WWOX: variants seen among roughly 807,000 people sequenced by gnomAD.
WWOX encodes WW domain-containing oxidoreductase.
A neutral mutation model predicts 46.2 loss-of-function variants in WWOX; 69 were observed. The ratio of observed to expected loss-of-function variants is 1.49; its 90% CI spans 1.23 to 1.82. The LOEUF (loss-of-function observed/expected upper bound fraction) is 1.82. Ranked by LOEUF, WWOX falls within the 40% of genes most tolerant of loss-of-function variation. The pLI, the probability that WWOX is intolerant of heterozygous loss-of-function variation, is 0.00. For missense variants in WWOX, 919 were observed against 542.6 expected, an observed-to-expected ratio of 1.69 and a Z score of -6.89; for synonymous variants, 359 against 202.6, an observed-to-expected ratio of 1.77 and a Z score of -6.56.
intron 4 of WWOX, among the ~76,000 whole-genome samples, chr16:78,139,623 C>G (rs576684243): frequency 2.0e-5 from 3 of 152,062 alleles, no homozygotes; most frequent in Admixed American, 2.0e-4. Context: ...CCAGCCCAGG[C>G]GATAGAGTGA....
chr16:79,074,024 G>A (rs966928746), intron 8 of WWOX, among the ~76,000 whole-genome samples: 2 of 151,880 alleles, frequency 1.3e-5, no homozygotes, highest in Admixed American at 6.6e-5. Context: ...TTTCACCATG[G>A]TTAGTTCGAG....
At chr16:78,689,789 C>T (rs542516273) in intron 8 of WWOX, among the ~76,000 whole-genome samples, 1 of 152,292 alleles carries the variant, frequency 6.6e-6, no homozygotes, top group African/African-American at 2.4e-5. Context: ...GCCTTGACCC[C>T]TGTTGAAATA....
chr16:79,173,231 G>A (rs992835524), intron 8 of WWOX, among the ~76,000 whole-genome samples: 4 of 152,146 alleles, frequency 2.6e-5, no homozygotes, highest in South Asian at 4.1e-4. Flanking sequence ...CCCCTCCTGG[G>A]CCTCCTGAGG....
rs543840733 is a variant in WWOX at position 79,048,224 on chromosome 16, C to G, written c.1057-163384C>G. Reference sequence around the variant, plus strand: ...GAAGGGCAGGCCAGGAGGGAGCTGACCTGTGTAGAGCTTGGAGGTTGTGTT... The same window carrying G: ...GAAGGGCAGGCCAGGAGGGAGCTGAGCTGTGTAGAGCTTGGAGGTTGTGTT... On this transcript the variant is annotated intron_variant, in intron 8 of 8. Coordinates refer to ENST00000566780, the MANE Select transcript of WWOX (RefSeq NM_016373.4). Among the ~76,000 whole-genome samples the G allele has an allele frequency of 2.6e-5, 4 of 152,300 alleles. No homozygotes were observed. In the South Asian group the frequency reaches 6.2e-4, roughly 24 times the overall value.
At chr16:78,999,941 A>T (rs1476936494) in intron 8 of WWOX, among the ~76,000 whole-genome samples, 1 of 152,134 alleles carries the variant, frequency 6.6e-6, no homozygotes, top group Non-Finnish European at 1.5e-5. Context: ...ATTGTGCCAT[A>T]TTTTCACCGG....
intron 7 of WWOX, among the ~76,000 whole-genome samples, chr16:78,429,208 A>G (rs902394079): frequency 1.3e-5 from 2 of 152,210 alleles, no homozygotes; most frequent in Non-Finnish European, 1.5e-5. Flanking sequence ...TGGTATGGTG[A>G]TGACAGAGGA....
intron 8 of WWOX, among the ~76,000 whole-genome samples, chr16:78,978,588 T>G (rs1223473193): frequency 1.3e-5 from 2 of 152,146 alleles, no homozygotes; most frequent in East Asian, 3.8e-4. Flanking sequence ...TTCTGCAGGC[T>G]GCACAGGAAG....
chr16:78,558,784 C>G (rs1567643677), intron 8 of WWOX, among the ~76,000 whole-genome samples: 1 of 152,208 alleles, frequency 6.6e-6, no homozygotes, highest in African/African-American at 2.4e-5. Flanking sequence ...ATTCTTCTGC[C>G]TAGAGTATGC....
At chr16:78,756,382 G>GGACA (rs1222715030) in intron 8 of WWOX, among the ~76,000 whole-genome samples, 11 of 152,108 alleles carry the variant, frequency 7.2e-5, no homozygotes. Flanking sequence ...GGTTGAGATA[G>GGACA]GACAGAACTC....
rs1306185566 is a variant in WWOX at position 78,357,080 on chromosome 16, C to T, written c.517-29780C>T. ...TTTCTAGAAGGCCCAGGCAGGGGTG[C>T]TGGCCAGGAGACACCAGGCATAGAC... On this transcript the variant is annotated intron_variant, in intron 5 of 8. Transcript: ENST00000566780. Among the ~76,000 whole-genome samples, 9 of 152,310 alleles carry T rather than the reference C, an allele frequency of 5.9e-5. No homozygotes were observed. In the South Asian group the frequency reaches 6.2e-4, roughly 11 times the overall value.
At chr16:79,119,595 A>C (rs1040786782) in intron 8 of WWOX, among the ~76,000 whole-genome samples, 3 of 152,234 alleles carry the variant, frequency 2.0e-5, no homozygotes, top group African/African-American at 7.2e-5. Flanking sequence ...CAACAAGGCA[A>C]CTAAGGCATG....
chr16:78,975,940 C>G lies in WWOX; in HGVS notation c.1057-235668C>G, dbSNP rs557940401. On this transcript the variant is annotated intron_variant, in intron 8 of 8. Transcript: ENST00000566780. ...TTCCACCCTTTGCCCTGCCACCCTC[C>G]ATCCCCTGATACCCTCCTGCCTTTT... is the stretch of plus-strand genomic sequence containing the variant. 9.8e-5 allele frequency among the ~76,000 whole-genome samples: 15 copies of G among 152,326 alleles called. No homozygotes were observed. In the East Asian group the frequency reaches 2.9e-3, roughly 29 times the overall value.
At chr16:78,659,645 G>C (rs941370896) in intron 8 of WWOX, among the ~76,000 whole-genome samples, 6 of 152,180 alleles carry the variant, frequency 3.9e-5, no homozygotes, top group African/African-American at 1.4e-4. Context: ...CTCCATCGGA[G>C]CGAGTTCAGG....
At chr16:78,291,957 T>C (rs2079865602) in intron 5 of WWOX, among the ~76,000 whole-genome samples, 3 of 152,098 alleles carry the variant, frequency 2.0e-5, no homozygotes, top group African/African-American at 7.2e-5. Context: ...TGATCTTTTC[T>C]GGATATTGGG....
intron 8 of WWOX, among the ~76,000 whole-genome samples, chr16:79,179,447 G>A (rs985423286): frequency 1.3e-5 from 2 of 152,198 alleles, no homozygotes; most frequent in Non-Finnish European, 2.9e-5. Flanking sequence ...AATGCAGTAT[G>A]TGACGCCTGG....
chr16:79,162,483 C>G (rs1305998643), intron 8 of WWOX, among the ~76,000 whole-genome samples: 1 of 152,110 alleles, frequency 6.6e-6, no homozygotes. Flanking sequence ...CACTGGTGTT[C>G]CTCTAGTAGG....
At chr16:78,478,441 C>G (rs1417165921) in intron 8 of WWOX, among the ~76,000 whole-genome samples, 1 of 152,134 alleles carries the variant, frequency 6.6e-6, no homozygotes, top group East Asian at 1.9e-4. Context: ...CCTTTTCAGA[C>G]TCCGGAAAGA....
chr16:78,424,896 C>G lies in WWOX; in HGVS notation c.632C>G (p.Ala211Gly), dbSNP rs1264231436. The G allele has an allele frequency of 6.2e-7, 1 of 1,614,122 alleles. No individual in the cohort carries two copies. The highest frequency in any genetic ancestry group is 1.1e-5 in the South Asian group (1 of 91,076). Residue 211 changes from alanine (A) to glycine (G), a missense_variant, in exon 7 of 9, where the codon GCA becomes GGA. Coordinates refer to ENST00000566780, the MANE Select transcript of WWOX (RefSeq NM_016373.4). ...CCTCTTCATGTGCTTGTGTGCAACG[C>G]AGCAACTTTTGCTCTACCCTGGAGT... ...NVPLHVLVCN[A>G]ATFALPWSLT...
chr16:79,115,951 A>G (rs2049507437), intron 8 of WWOX, among the ~76,000 whole-genome samples: 1 of 152,232 alleles, frequency 6.6e-6, no homozygotes. Flanking sequence ...AGACCACCAC[A>G]ATAAAGCAAA....
Sources: gnomAD v4.1 joint callset for allele counts (sites outside exome capture counted in the v4.1 genomes callset) on GRCh38, gnomAD v4.1.1 for gene constraint, MANE v1.5 for transcripts, NCBI Gene and HGNC (gene_info 2026-07-23, HGNC 2026-07-21) for gene names.